The following IGSF21 variants were observed in gnomAD, a reference collection of about 807,000 sequenced individuals.
IGSF21 encodes immunoglobulin superfamily member 21.
In IGSF21, 28 loss-of-function variants were observed where a neutral mutation model predicts 46.8. The observed-to-expected ratio is 0.60, with a 90% CI of 0.44 to 0.82. IGSF21 has a LOEUF of 0.82. Ranked by LOEUF, IGSF21 falls within the 40% of genes least tolerant of loss-of-function variation. The probability of loss-of-function intolerance (pLI) is 0.00; values close to 1 mark genes in which losing one functional copy is unlikely to be tolerated. For missense variants in IGSF21, 624 were observed against 665.5 expected (o/e 0.94, Z 0.69); for synonymous variants, 284 against 273.6 (o/e 1.04, Z -0.38).
chr1:18,285,948 G>T (rs2085208611), intron 2 of IGSF21, among the ~76,000 whole-genome samples: 1 of 152,188 alleles, frequency 6.6e-6, no homozygotes, highest in African/African-American at 2.4e-5. Context: ...CTCTCTGTGT[G>T]TTCACTCTTA....
intron 2 of IGSF21, among the ~76,000 whole-genome samples, chr1:18,286,424 G>A (rs1440164908): frequency 6.6e-6 from 1 of 152,200 alleles, no homozygotes; most frequent in Non-Finnish European, 1.5e-5. Context: ...AGGGAGGGCT[G>A]GGGGACACTC....
At chr1:18,147,158 A>G (rs1315452146) in intron 1 of IGSF21, among the ~76,000 whole-genome samples, 2 of 152,178 alleles carry the variant, frequency 1.3e-5, no homozygotes, top group Non-Finnish European at 2.9e-5. Context: ...CCAGCTCTCC[A>G]GGTGTCCAGA....
At chr1:18,224,801 A>G (rs375186898) in intron 1 of IGSF21, among the ~76,000 whole-genome samples, 1 of 152,086 alleles carries the variant, frequency 6.6e-6, no homozygotes, top group African/African-American at 2.4e-5. Context: ...ATGGTGGCTC[A>G]TGCCTGTAAT....
rs1557659490 is a variant in IGSF21 at position 18,359,359 on chromosome 1, AAAGAAAGAAAGAAAGAAAGAAAGAAAGG to A, written c.425-2752_425-2725del. ...AAGAAAAAGAAAGAAAGAAAGAAAG[AAAGAAAGAAAGAAAGAAAGAAAGAAAGG>A]AAGGAAGGAAGGAAGGAAGGAAGGA... On this transcript the variant is annotated intron_variant, in intron 4 of 9. Transcript: ENST00000251296. Among the ~76,000 whole-genome samples, 152 of 74,064 alleles carry A rather than the reference AAAGAAAGAAAGAAAGAAAGAAAGAAAGG, an allele frequency of 2.1e-3. 1 individual carries two copies. The highest frequency in any genetic ancestry group is 6.0e-3 in the Middle Eastern group (1 of 166). 48.6% of individuals were successfully genotyped at this position (74,064 alleles called of 152,430 possible). A position where few individuals can be genotyped will look rare whatever the true frequency, so the allele number is the denominator to read the frequency against.
intron 4 of IGSF21, chr1:18,361,841 G>A: frequency 2.8e-6 from 1 of 355,000 alleles, no homozygotes; most frequent in Non-Finnish European, 5.2e-6. Flanking sequence ...GGGATCTGAT[G>A]CACTTCACAC....
At chr1:18,377,252 T>A (rs1238422235) in intron 8 of IGSF21, 141 bp from the exon 9 acceptor site, 9 of 880,438 alleles carry the variant, frequency 1.0e-5, no homozygotes, top group Non-Finnish European at 1.7e-5. Context: ...GCTGATACTA[T>A]CCAGCTCCCC....
intron 1 of IGSF21, among the ~76,000 whole-genome samples, chr1:18,216,742 T>C (rs538575326): frequency 6.6e-6 from 1 of 152,276 alleles, no homozygotes; most frequent in East Asian, 1.9e-4. Flanking sequence ...CACCCTTTTT[T>C]CGGCCAACAA....
At chr1:18,256,990 C>T (rs886871843) in intron 2 of IGSF21, among the ~76,000 whole-genome samples, 1 of 152,164 alleles carries the variant, frequency 6.6e-6, no homozygotes. Flanking sequence ...TCAGTTGCCT[C>T]CTCTTCTCCT....
At chr1:18,342,206 G>T (rs1411315720) in intron 4 of IGSF21, among the ~76,000 whole-genome samples, 1 of 152,040 alleles carries the variant, frequency 6.6e-6, no homozygotes, top group Non-Finnish European at 1.5e-5. Context: ...AGATTCTCCT[G>T]CCTCAGCCTC....
Position 18,376,786 on chromosome 1 carries a change from G to C in IGSF21, c.1102-14G>C, listed in dbSNP as rs2086285137. On this transcript the variant is annotated splice_polypyrimidine_tract_variant and intron_variant, in intron 7 of 9. Transcript: ENST00000251296. Reference sequence around the variant, plus strand: ...CCCTCCTGTGACCCACCTCTCCCCTGATCTGGCCAACAGAACGAAGTCTTC... The same window carrying C: ...CCCTCCTGTGACCCACCTCTCCCCTCATCTGGCCAACAGAACGAAGTCTTC... The C allele has an allele frequency of 6.4e-7, 1 of 1,573,618 alleles. No homozygotes were observed. Among genetic ancestry groups the C allele is most frequent in the Admixed American group, 1.7e-5 (1 of 58,318 alleles).
chr1:18,133,128 C>T (rs760928827), intron 1 of IGSF21, among the ~76,000 whole-genome samples: 14 of 152,282 alleles, frequency 9.2e-5, no homozygotes, highest in Admixed American at 2.6e-4. Context: ...CTAAAATTAG[C>T]GTCTCCATAA....
chr1:18,212,309 T>C (rs924094501), intron 1 of IGSF21, among the ~76,000 whole-genome samples: 3 of 152,208 alleles, frequency 2.0e-5, no homozygotes, highest in African/African-American at 7.2e-5. Flanking sequence ...TAGCTTGTGA[T>C]AGAGTCAGAA....
chr1:18,246,895 T>A (rs950664428), intron 2 of IGSF21, among the ~76,000 whole-genome samples: 1 of 152,074 alleles, frequency 6.6e-6, no homozygotes, highest in African/African-American at 2.4e-5. Flanking sequence ...AGAGAGCGAA[T>A]CTTTGTTGGT....
intron 3 of IGSF21, among the ~76,000 whole-genome samples, chr1:18,298,732 C>T (rs913912351): frequency 7.9e-5 from 12 of 152,246 alleles, no homozygotes; most frequent in African/African-American, 1.2e-4. Context: ...GTACACTCAA[C>T]AGTGCACAAT....
At chr1:18,350,978 A>C (rs937796528) in intron 4 of IGSF21, among the ~76,000 whole-genome samples, 4 of 151,880 alleles carry the variant, frequency 2.6e-5, no homozygotes, top group Non-Finnish European at 5.9e-5. Context: ...CAGAGCACTG[A>C]CCTGTGGAAA....
chr1:18,161,083 G>A (rs894857912), intron 1 of IGSF21, among the ~76,000 whole-genome samples: 2 of 152,096 alleles, frequency 1.3e-5, no homozygotes, highest in Non-Finnish European at 2.9e-5. Context: ...GGCCTCCTTG[G>A]CCTGCACTTG....
At chr1:18,376,650 A>T (rs1488933555) in intron 7 of IGSF21, 150 bp from the exon 8 acceptor site, 4 of 720,858 alleles carry the variant, frequency 5.5e-6, no homozygotes, top group Non-Finnish European at 9.2e-6. Context: ...TAAGTCCCAG[A>T]CTCCTCCTCC....
intron 1 of IGSF21, among the ~76,000 whole-genome samples, chr1:18,124,918 A>C (rs2086263295): frequency 6.6e-6 from 1 of 152,130 alleles, no homozygotes; most frequent in Non-Finnish European, 1.5e-5. Context: ...GTGGGTGTGC[A>C]AGTGACCAGG....
At chr1:18,244,311 A>C (rs537745122) in intron 2 of IGSF21, among the ~76,000 whole-genome samples, 10 of 152,324 alleles carry the variant, frequency 6.6e-5, no homozygotes, top group African/African-American at 2.4e-4. Flanking sequence ...GCCAGATGAA[A>C]AGAGCTGACT....
Sources: gnomAD v4.1 joint callset for allele counts (sites outside exome capture counted in the v4.1 genomes callset) on GRCh38, gnomAD v4.1.1 for gene constraint, MANE v1.5 for transcripts, NCBI Gene and HGNC (gene_info 2026-07-23, HGNC 2026-07-21) for gene names.